AGBL1: variants seen among roughly 807,000 people sequenced by gnomAD.
AGBL1 encodes cytosolic carboxypeptidase 4.
AGBL1 carries 130 observed loss-of-function variants against 118.9 expected under a neutral mutation model. The ratio of observed to expected loss-of-function variants is 1.09; its 90% CI spans 0.95 to 1.26. The LOEUF (loss-of-function observed/expected upper bound fraction) is 1.26, where lower values mean the gene tolerates loss of function less well. Ranked by LOEUF, AGBL1 falls within the 50% of genes most tolerant of loss-of-function variation. The pLI is 0.00. For synonymous variants in AGBL1, 555 were observed against 478.9 expected (o/e 1.16, Z -2.08); for missense variants, 1,584 against 1,298.1 (o/e 1.22, Z -3.38).
chr15:86,782,230 T>A (rs1277648453), intron 22 of AGBL1, among the ~76,000 whole-genome samples: 1 of 152,162 alleles, frequency 6.6e-6, no homozygotes, highest in Non-Finnish European at 1.5e-5. Flanking sequence ...ATCTTTATTA[T>A]TTTTTAAATT....
intron 18 of AGBL1, among the ~76,000 whole-genome samples, chr15:86,413,040 C>T (rs2142012721): frequency 6.6e-6 from 1 of 152,194 alleles, no homozygotes; most frequent in Middle Eastern, 3.4e-3. Context: ...CAGTTTCTTT[C>T]TTTTTTTATT....
At chr15:86,126,127 A>AT (rs977933959) in intron 1 of AGBL1, among the ~76,000 whole-genome samples, 1 of 151,484 alleles carries the variant, frequency 6.6e-6, no homozygotes, top group Admixed American at 6.6e-5. Flanking sequence ...CTTGGAAGCT[A>AT]TTTTTTTTCT....
chr15:87,013,839 C>T (rs1483686895), intron 24 of AGBL1, among the ~76,000 whole-genome samples: 1 of 152,130 alleles, frequency 6.6e-6, no homozygotes, highest in Non-Finnish European at 1.5e-5. Context: ...CCCAGCTCAA[C>T]TATTCCAGAG....
At chr15:86,606,884 A>C (rs1330631543) in intron 21 of AGBL1, among the ~76,000 whole-genome samples, 1 of 152,166 alleles carries the variant, frequency 6.6e-6, no homozygotes, top group African/African-American at 2.4e-5. Context: ...GGTTTTGACA[A>C]ATGTATAATT....
At chr15:86,718,857 A>G (rs2086675491) in intron 22 of AGBL1, among the ~76,000 whole-genome samples, 1 of 152,222 alleles carries the variant, frequency 6.6e-6, no homozygotes, top group Non-Finnish European at 1.5e-5. Context: ...AACAATGGTG[A>G]TTCCACCAAG....
At chr15:86,974,664 A>T (rs2081154633) in intron 23 of AGBL1, among the ~76,000 whole-genome samples, 1 of 148,688 alleles carries the variant, frequency 6.7e-6, no homozygotes, top group African/African-American at 2.5e-5. Flanking sequence ...GAGAAGAAAG[A>T]TCAAAAGGAA....
chr15:86,824,473 A>G (rs563805399), intron 22 of AGBL1, among the ~76,000 whole-genome samples: 1 of 152,298 alleles, frequency 6.6e-6, no homozygotes, highest in East Asian at 1.9e-4. Flanking sequence ...ATGTTCATGG[A>G]TTGGAAAACT....
intron 24 of AGBL1, among the ~76,000 whole-genome samples, chr15:87,011,306 T>A (rs575030328): frequency 6.6e-6 from 1 of 152,256 alleles, no homozygotes; most frequent in East Asian, 1.9e-4. Context: ...ACTATCTAAA[T>A]TTGAACTAGG....
intron 23 of AGBL1, among the ~76,000 whole-genome samples, chr15:86,956,741 A>G (rs1264546123): frequency 6.6e-6 from 1 of 152,210 alleles, no homozygotes; most frequent in Non-Finnish European, 1.5e-5. Context: ...AAGTTGACAC[A>G]TAAAATTAAT....
intron 24 of AGBL1, among the ~76,000 whole-genome samples, chr15:87,017,262 C>T (rs2081616252): frequency 6.6e-6 from 1 of 152,072 alleles, no homozygotes; most frequent in African/African-American, 2.4e-5. Flanking sequence ...CAACACAGCA[C>T]AATTCTGCTA....
intron 24 of AGBL1, among the ~76,000 whole-genome samples, chr15:87,025,077 T>TG (rs1247147636): frequency 2.0e-5 from 3 of 151,874 alleles, no homozygotes; most frequent in Non-Finnish European, 4.4e-5. Context: ...AACAAGTCAA[T>TG]GATGGCCACT....
At chr15:86,266,230 G>A (rs1471454906) in intron 11 of AGBL1, 144 bp from the exon 12 acceptor site, 2 of 506,264 alleles carry the variant, frequency 4.0e-6, no homozygotes, top group African/African-American at 3.9e-5. Context: ...TGTATGCTCT[G>A]AGCTCAAAGT....
At chr15:86,812,377 GT>G (rs1003166509) in intron 22 of AGBL1, among the ~76,000 whole-genome samples, 2 of 152,144 alleles carry the variant, frequency 1.3e-5, no homozygotes, top group African/African-American at 4.8e-5. Flanking sequence ...TACAAAAGGG[GT>G]TGAACAACTT....
intron 21 of AGBL1, among the ~76,000 whole-genome samples, chr15:86,634,732 A>C: frequency 6.6e-6 from 1 of 152,216 alleles, no homozygotes; most frequent in Admixed American, 6.5e-5. Flanking sequence ...AAACCATCAT[A>C]AAAAAGAAAA....
chr15:86,175,759 G>A (rs1195207287), intron 5 of AGBL1, among the ~76,000 whole-genome samples: 1 of 152,002 alleles, frequency 6.6e-6, no homozygotes, highest in Non-Finnish European at 1.5e-5. Flanking sequence ...TTGACTCAAT[G>A]GCCATTCAAG....
chr15:86,256,873 C>T lies in AGBL1; in HGVS notation c.756C>T (p.Ser252=), dbSNP rs1286106838. 4 of 1,613,864 alleles carry T rather than the reference C, an allele frequency of 2.5e-6. No homozygotes were observed. The highest frequency in any genetic ancestry group is 2.5e-6 in the Non-Finnish European group (3 of 1,179,848). Residue 252 remains serine, a synonymous_variant, in exon 8 of 23, where the codon AGC becomes AGT. Coordinates refer to ENST00000614907, the MANE Select transcript of AGBL1 (RefSeq NM_001386094.1). ...STTQNCLDDK[S]MEPVISVVLQ... is the part of the protein sequence containing the mutation. ...CTCAGAACTGCCTGGATGACAAGAG[C>T]ATGGAGCCCGTCATCTCTGTGGTGC...
intron 22 of AGBL1, among the ~76,000 whole-genome samples, chr15:86,871,581 A>T (rs1293463844): frequency 6.6e-6 from 1 of 152,032 alleles, no homozygotes. Context: ...CACTCTGTTC[A>T]CTAAGCCTTA....
intron 18 of AGBL1, among the ~76,000 whole-genome samples, chr15:86,476,150 T>G (rs943168046): frequency 1.2e-4 from 18 of 152,172 alleles, no homozygotes; most frequent in African/African-American, 4.1e-4. Flanking sequence ...AGACCATCGA[T>G]GCTAGGAAGA....
At chr15:86,154,351 C>T in intron 3 of AGBL1, 79 bp from the exon 4 acceptor site, 1 of 1,467,662 alleles carries the variant, frequency 6.8e-7, no homozygotes, top group Non-Finnish European at 9.2e-7. Context: ...TCACCATCTT[C>T]CCCTTCCTCC....
Sources: allele counts gnomAD v4.1 joint callset (sites outside exome capture counted in the v4.1 genomes callset), GRCh38; gene constraint gnomAD v4.1.1; transcripts MANE v1.5; gene names NCBI Gene and HGNC (gene_info 2026-07-23, HGNC 2026-07-21).